GIPC2: variants seen among roughly 807,000 people sequenced by gnomAD.
GIPC2 encodes PDZ domain-containing protein GIPC2.
GIPC2 carries 30 observed loss-of-function variants against 30.6 expected under a neutral mutation model. That is an observed-to-expected ratio of 0.98 (90% CI 0.73 to 1.33). GIPC2 has a LOEUF of 1.33. GIPC2 is among the 40% of genes most tolerant of loss of function. The pLI is 0.00. For synonymous variants in GIPC2, 167 were observed against 150.0 expected, an observed-to-expected ratio of 1.11 and a Z score of -0.83; for missense variants, 414 against 390.3, an observed-to-expected ratio of 1.06 and a Z score of -0.51.
At chr1:78,109,667 G>A (rs1048790080) in intron 3 of GIPC2, among the ~76,000 whole-genome samples, 5 of 152,036 alleles carry the variant, frequency 3.3e-5, no homozygotes, top group African/African-American at 1.2e-4. Flanking sequence ...TAATAAAAAG[G>A]CATTACCTTT....
At chr1:78,073,194 C>G (rs183214465) in intron 1 of GIPC2, among the ~76,000 whole-genome samples, 47 of 151,732 alleles carry the variant, frequency 3.1e-4, no homozygotes, top group African/African-American at 1.1e-3. Context: ...ACCTCTACCT[C>G]CTGGGTTCAA....
intron 3 of GIPC2, among the ~76,000 whole-genome samples, chr1:78,101,767 CA>C: frequency 6.6e-6 from 1 of 152,274 alleles, no homozygotes; most frequent in East Asian, 1.9e-4. Context: ...GGGCATGGCT[CA>C]CTTCCTTTCT....
intron 3 of GIPC2, among the ~76,000 whole-genome samples, chr1:78,116,437 T>C (rs1223036149): frequency 6.6e-6 from 1 of 152,198 alleles, no homozygotes; most frequent in Non-Finnish European, 1.5e-5. Context: ...ACATGTGCCA[T>C]GTTGGTGTGC....
At chr1:78,103,904 A>T (rs943186051) in intron 3 of GIPC2, among the ~76,000 whole-genome samples, 1 of 151,992 alleles carries the variant, frequency 6.6e-6, no homozygotes, top group Non-Finnish European at 1.5e-5. Context: ...GAAAGGCGAC[A>T]GGACATCTGA....
rs1224834320 is a variant in GIPC2 at position 78,092,058 on chromosome 1, C to A, written c.427-2894C>A. The A allele has an allele frequency of 2.0e-6, 3 of 1,524,910 alleles. No individual in the cohort carries two copies. In the East Asian group the frequency reaches 6.8e-5, roughly 34 times the overall value. The allele number at this position is 1,524,910 out of a possible 1,614,324, so 94.5% of individuals were successfully genotyped here. A position where few individuals can be genotyped will look rare whatever the true frequency, so the allele number is the denominator to read the frequency against. On this transcript the variant is annotated intron_variant, in intron 2 of 5. Transcript: ENST00000370759. ...CTCCTGTCTACTGGCTCCAAGTAGA[C>A]CATGTCAGCTTCACCCCCCGGCTTT...
At chr1:78,086,406 T>C (rs191407733) in intron 2 of GIPC2, among the ~76,000 whole-genome samples, 20 of 152,300 alleles carry the variant, frequency 1.3e-4, no homozygotes, top group African/African-American at 4.8e-4. Flanking sequence ...TCTGTTGTTT[T>C]TGGGTGGAGA....
At chr1:78,097,901 G>T (rs1267150389) in intron 3 of GIPC2, among the ~76,000 whole-genome samples, 1 of 152,126 alleles carries the variant, frequency 6.6e-6, no homozygotes, top group Non-Finnish European at 1.5e-5. Flanking sequence ...GGGAGAGGTG[G>T]AGCAAGTAAG....
chr1:78,060,023 A>G (rs894985231), intron 1 of GIPC2, among the ~76,000 whole-genome samples: 2 of 152,132 alleles, frequency 1.3e-5, no homozygotes, highest in Admixed American at 6.6e-5. Context: ...GCTGAAGCAT[A>G]TTTTCTGCTT....
chr1:78,045,522 G>A, upstream of GIPC2: 1 of 982,686 alleles, frequency 1.0e-6, no homozygotes, highest in Non-Finnish European at 1.2e-6. Context: ...AGGTGCCAAG[G>A]ACCCGGCTGA....
At chr1:78,079,911 A>G (rs543652098) in intron 1 of GIPC2, among the ~76,000 whole-genome samples, 2 of 152,014 alleles carry the variant, frequency 1.3e-5, no homozygotes, top group Non-Finnish European at 2.9e-5. Flanking sequence ...ACTTTTCACC[A>G]TTTGGTTTCT....
chr1:78,073,237 G>T (rs1015292771), intron 1 of GIPC2, among the ~76,000 whole-genome samples: 5 of 151,436 alleles, frequency 3.3e-5, no homozygotes, highest in Admixed American at 3.3e-4. Flanking sequence ...CTGAGTAGCT[G>T]GGACTACAGG....
chr1:78,055,153 T>C (rs1385483265), intron 1 of GIPC2, among the ~76,000 whole-genome samples: 20 of 152,160 alleles, frequency 1.3e-4, no homozygotes, highest in Non-Finnish European at 1.5e-5. Context: ...TCCTGGTTCA[T>C]AGACAGCCAT....
intron 1 of GIPC2, among the ~76,000 whole-genome samples, chr1:78,077,994 C>A (rs565847694): frequency 6.6e-6 from 1 of 151,680 alleles, no homozygotes; most frequent in South Asian, 2.1e-4. Flanking sequence ...CGAGACCATC[C>A]CGGCTAAAAC....
chr1:78,049,297 G>A (rs1661152559), intron 1 of GIPC2, among the ~76,000 whole-genome samples: 1 of 152,162 alleles, frequency 6.6e-6, no homozygotes, highest in Admixed American at 6.5e-5. Flanking sequence ...TAATAGCTGG[G>A]ATTATGCACC....
rs560897296 is a variant in GIPC2, at chr1:78,071,011, C to T, written c.241-9664C>T. On this transcript the variant is annotated intron_variant, in intron 1 of 5. Coordinates refer to ENST00000370759, the MANE Select transcript of GIPC2 (RefSeq NM_017655.6). ...CTCATGAAGGTCTAAATAGAGCATA[C>T]GGTATCAGGTTTCTAAATATCTGTC... is the stretch of plus-strand genomic sequence containing the variant. Among the ~76,000 whole-genome samples the T allele has an allele frequency of 1.2e-3, 184 of 152,178 alleles. 6 individuals are homozygous for T. In the South Asian group the frequency reaches 0.037, roughly 30 times the overall value.
intron 1 of GIPC2, among the ~76,000 whole-genome samples, chr1:78,066,801 G>A (rs1360641724): frequency 2.0e-5 from 3 of 152,154 alleles, no homozygotes; most frequent in Non-Finnish European, 2.9e-5. Flanking sequence ...CACATACTGC[G>A]TATTAGCACT....
At chr1:78,048,205 A>C (rs1661130926) in intron 1 of GIPC2, among the ~76,000 whole-genome samples, 2 of 152,124 alleles carry the variant, frequency 1.3e-5, no homozygotes, top group Admixed American at 1.3e-4. Flanking sequence ...TGTATTTTGC[A>C]TTAACACTTC....
intron 2 of GIPC2, among the ~76,000 whole-genome samples, chr1:78,090,166 A>C (rs1662010447): frequency 6.6e-6 from 1 of 152,092 alleles, no homozygotes; most frequent in Admixed American, 6.5e-5. Context: ...AAGAGAATAG[A>C]CTTGTACTTT....
At chr1:78,096,429 G>A (rs577910956) in intron 3 of GIPC2, among the ~76,000 whole-genome samples, 2 of 151,558 alleles carry the variant, frequency 1.3e-5, no homozygotes, top group South Asian at 4.2e-4. Context: ...CATAACTCAA[G>A]AAATCTATTT....
Sources: gnomAD v4.1 joint callset for allele counts (sites outside exome capture counted in the v4.1 genomes callset) on GRCh38, gnomAD v4.1.1 for gene constraint, MANE v1.5 for transcripts, NCBI Gene and HGNC (gene_info 2026-07-23, HGNC 2026-07-21) for gene names.